Variants in THSD7A observed in about 807,000 individuals in gnomAD.
THSD7A encodes the protein thrombospondin type 1 domain containing 7A, also known as thrombospondin type-1 domain-containing protein 7A.
In THSD7A, 96 loss-of-function variants were observed where a neutral mutation model predicts 231.3. The observed-to-expected ratio is 0.41, with a 90% CI of 0.35 to 0.49. The LOEUF (loss-of-function observed/expected upper bound fraction) is 0.49, where lower values mean the gene tolerates loss of function less well. Ranked by LOEUF, THSD7A falls within the 20% of genes least tolerant of loss-of-function variation. THSD7A has a pLI of 0.05. For synonymous variants in THSD7A, 940 were observed against 743.3 expected (o/e 1.26, Z -4.30); for missense variants, 2,290 against 2,070.2 (o/e 1.11, Z -2.06).
chr7:11,549,566 C>A (rs1033118570), intron 4 of THSD7A, among the ~76,000 whole-genome samples: 7 of 152,018 alleles, frequency 4.6e-5, no homozygotes, highest in Non-Finnish European at 1.0e-4. Flanking sequence ...AAGAAAATCT[C>A]ATACGTATAC....
intron 1 of THSD7A, among the ~76,000 whole-genome samples, chr7:11,778,921 A>G (rs1783534417): frequency 6.6e-6 from 1 of 152,160 alleles, no homozygotes; most frequent in Non-Finnish European, 1.5e-5. Flanking sequence ...GCACTTTTAC[A>G]TACTTTATCT....
chr7:11,397,036 G>A (rs774881624), intron 23 of THSD7A, among the ~76,000 whole-genome samples: 16 of 152,148 alleles, frequency 1.1e-4, no homozygotes, highest in Non-Finnish European at 2.1e-4. Flanking sequence ...AAAACCACAT[G>A]ATTATCTCAA....
At chr7:11,509,818 T>G (rs1787719832) in intron 6 of THSD7A, among the ~76,000 whole-genome samples, 1 of 10,874 alleles carries the variant, frequency 9.2e-5, no homozygotes, top group Non-Finnish European at 3.5e-4. Context: ...CCAGAGTCCG[T>G]CTCAAAAAAA....
intron 1 of THSD7A, among the ~76,000 whole-genome samples, chr7:11,684,701 C>A (rs922712039): frequency 2.0e-5 from 3 of 151,832 alleles, no homozygotes; most frequent in African/African-American, 7.2e-5. Context: ...ACAAGGGGGA[C>A]TACCAAACAC....
At chr7:11,744,308 T>C (rs948881236) in intron 1 of THSD7A, among the ~76,000 whole-genome samples, 4 of 151,780 alleles carry the variant, frequency 2.6e-5, no homozygotes, top group Non-Finnish European at 5.9e-5. Flanking sequence ...GCAATAAACT[T>C]CAAGAGAAAG....
chr7:11,581,868 T>C (rs193007927), intron 4 of THSD7A, among the ~76,000 whole-genome samples: 1 of 152,228 alleles, frequency 6.6e-6, no homozygotes, highest in Non-Finnish European at 1.5e-5. Context: ...AAAGTTGGCA[T>C]TATTGACTAG....
At chr7:11,427,391 T>C (rs1226221085) in intron 14 of THSD7A, among the ~76,000 whole-genome samples, 3 of 152,178 alleles carry the variant, frequency 2.0e-5, no homozygotes, top group African/African-American at 7.2e-5. Flanking sequence ...TCAGTAAGCC[T>C]TCAGTCAACC....
chr7:11,417,341 C>T, intron 17 of THSD7A, 109 bp downstream of exon 17: 3 of 1,136,480 alleles, frequency 2.6e-6, no homozygotes, highest in South Asian at 1.7e-5. Flanking sequence ...ATATGGCAAA[C>T]AAACAGATTT....
chr7:11,785,884 G>A (rs1291757714), intron 1 of THSD7A, among the ~76,000 whole-genome samples: 1 of 152,020 alleles, frequency 6.6e-6, no homozygotes, highest in Non-Finnish European at 1.5e-5. Context: ...TGCTCTTAGG[G>A]TTAATTTGTA....
intron 7 of THSD7A, among the ~76,000 whole-genome samples, chr7:11,477,498 T>C (rs191494572): frequency 1.6e-3 from 242 of 148,420 alleles, no homozygotes; most frequent in Non-Finnish European, 3.1e-3. Context: ...TTTGAGACTA[T>C]ATAACTACAA....
At chr7:11,434,513 G>A (rs955986649) in intron 13 of THSD7A, among the ~76,000 whole-genome samples, 1 of 152,078 alleles carries the variant, frequency 6.6e-6, no homozygotes, top group Non-Finnish European at 1.5e-5. Context: ...TTGTGCTGCT[G>A]AAAGGAATAC....
At chr7:11,579,371 T>A (rs577916621) in intron 4 of THSD7A, among the ~76,000 whole-genome samples, 1 of 152,318 alleles carries the variant, frequency 6.6e-6, no homozygotes, top group Non-Finnish European at 1.5e-5. Context: ...AGTGTGCCTC[T>A]GAAAAAATGC....
At chr7:11,716,424 G>A (rs1219366903) in intron 1 of THSD7A, among the ~76,000 whole-genome samples, 4 of 151,620 alleles carry the variant, frequency 2.6e-5, no homozygotes, top group East Asian at 2.0e-4. Context: ...AATGTCATGG[G>A]CATCCTGCCC....
intron 14 of THSD7A, among the ~76,000 whole-genome samples, chr7:11,428,440 T>TA (rs1784385971): frequency 6.6e-6 from 1 of 152,224 alleles, no homozygotes; most frequent in Non-Finnish European, 1.5e-5. Flanking sequence ...ATAGCATACT[T>TA]ACAGTGATTT....
intron 1 of THSD7A, among the ~76,000 whole-genome samples, chr7:11,728,948 A>C (rs147405291): frequency 0.016 from 2,459 of 151,944 alleles, 42 homozygotes; most frequent in Middle Eastern, 0.031. Context: ...AAAGTAAATA[A>C]TATTTTGAAG....
At chr7:11,733,002 A>T (rs1425101835) in intron 1 of THSD7A, among the ~76,000 whole-genome samples, 2 of 151,802 alleles carry the variant, frequency 1.3e-5, no homozygotes, top group Non-Finnish European at 2.9e-5. Context: ...AGTATTTGGT[A>T]ATGTTACCAG....
intron 6 of THSD7A, among the ~76,000 whole-genome samples, chr7:11,507,611 TTTTAA>T (rs1458374292): frequency 6.6e-6 from 1 of 151,848 alleles, no homozygotes; most frequent in African/African-American, 2.4e-5. Flanking sequence ...GTTTTTTTTT[TTTTAA>T]TTTTTAACTG....
At chr7:11,570,848 T>C (rs1281347796) in intron 4 of THSD7A, among the ~76,000 whole-genome samples, 1 of 152,150 alleles carries the variant, frequency 6.6e-6, no homozygotes, top group Non-Finnish European at 1.5e-5. Context: ...GGGGACCAGT[T>C]GGCATGAAAT....
intron 22 of THSD7A, among the ~76,000 whole-genome samples, chr7:11,402,834 A>G (rs923519261): frequency 1.3e-5 from 2 of 152,216 alleles, no homozygotes; most frequent in Non-Finnish European, 2.9e-5. Flanking sequence ...TTGTGTGAAT[A>G]TATCATAATT....
Sources: allele counts gnomAD v4.1 joint callset (sites outside exome capture counted in the v4.1 genomes callset), GRCh38; gene constraint gnomAD v4.1.1; transcripts MANE v1.5; gene names NCBI Gene and HGNC (gene_info 2026-07-23, HGNC 2026-07-21).